The following ACYP2 variants were observed in gnomAD, a reference collection of about 807,000 sequenced individuals.
ACYP2 encodes acylphosphatase-2.
A neutral mutation model predicts 11.2 loss-of-function variants in ACYP2; 12 were observed. The observed-to-expected ratio is 1.08, with a 90% confidence interval of 0.69 to 1.74. The LOEUF (loss-of-function observed/expected upper bound fraction) is 1.74. Ranked by LOEUF, ACYP2 falls within the 40% of genes most tolerant of loss-of-function variation. The pLI is 0.00. For missense variants in ACYP2, 134 were observed against 101.9 expected (o/e 1.31, Z -1.35); for synonymous variants, 43 against 32.2 (o/e 1.33, Z -1.13).
chr2:54,047,124 G>C lies in ACYP2; in HGVS notation c.63-3834G>C, dbSNP rs539049176. On this transcript the variant is annotated intron_variant, in intron 2 of 6. Transcript: ENST00000607452. Reference sequence around the variant, plus strand: ...AGGCACCAAGCAAGGCTGGATAACTGTTTTCTAAACCCATTTTTGGGACAG... The same window carrying C: ...AGGCACCAAGCAAGGCTGGATAACTCTTTTCTAAACCCATTTTTGGGACAG... 3.3e-5 allele frequency among the ~76,000 whole-genome samples: 5 copies of C among 152,334 alleles called. No individual in the cohort carries two copies. In the South Asian group the frequency reaches 8.3e-4, roughly 25 times the overall value.
chr2:54,181,046 T>C (rs1039571342), intron 6 of ACYP2, among the ~76,000 whole-genome samples: 6 of 152,194 alleles, frequency 3.9e-5, no homozygotes, highest in African/African-American at 1.4e-4. Context: ...AACCTTGTTT[T>C]AGTATTACAA....
At chr2:54,060,478 G>A (rs1305309596) in intron 4 of ACYP2, among the ~76,000 whole-genome samples, 6 of 151,824 alleles carry the variant, frequency 4.0e-5, no homozygotes, top group African/African-American at 1.5e-4. Flanking sequence ...GTAAAGTTTT[G>A]TTTTGTTCCT....
At chr2:54,108,377 G>A (rs1679280897) in intron 4 of ACYP2, among the ~76,000 whole-genome samples, 1 of 152,198 alleles carries the variant, frequency 6.6e-6, no homozygotes, top group Admixed American at 6.5e-5. Context: ...AAGTAGATGA[G>A]TTATTTTAAA....
intron 2 of ACYP2, among the ~76,000 whole-genome samples, chr2:54,048,046 A>G (rs1355291212): frequency 1.3e-5 from 2 of 152,330 alleles, no homozygotes; most frequent in Non-Finnish European, 1.5e-5. Context: ...GCTTCACTCT[A>G]TTATTTAAGT....
At chr2:54,220,033 G>A (rs1013547238) in intron 6 of ACYP2, among the ~76,000 whole-genome samples, 4 of 150,898 alleles carry the variant, frequency 2.7e-5, no homozygotes, top group African/African-American at 4.9e-5. Flanking sequence ...AAGCCACCAT[G>A]CCTGGCCAAG....
Position 54,013,281 on chromosome 2 carries a change from G to A in ACYP2, c.63-37677G>A, listed in dbSNP as rs1230417947. On this transcript the variant is annotated intron_variant, in intron 2 of 6. Coordinates refer to ENST00000607452, the MANE Select transcript of ACYP2 (RefSeq NM_001320586.2). ...TGTGTGTGTGTGTGTGTGTGTGTGT[G>A]TGTGTGTGTGTGTGTGTGTGTGTGT... 5.3e-3 allele frequency among the ~76,000 whole-genome samples: 731 copies of A among 138,934 alleles called. 10 individuals are homozygous for A. The highest frequency in any genetic ancestry group is 0.017 in the African/African-American group (607 of 34,958). 91.1% of individuals were successfully genotyped at this position (138,934 alleles called of 152,430 possible). A position where few individuals can be genotyped will look rare whatever the true frequency, so the allele number is the denominator to read the frequency against.
intron 6 of ACYP2, among the ~76,000 whole-genome samples, chr2:54,182,964 C>G (rs843676): frequency 0.22 from 33,364 of 152,004 alleles, 4,252 homozygotes; most frequent in South Asian, 0.41. Flanking sequence ...TGATGAAATG[C>G]TAAAGGCAAA....
intron 2 of ACYP2, among the ~76,000 whole-genome samples, chr2:54,050,547 GA>G (rs58128669): frequency 0.066 from 5,512 of 83,122 alleles, 243 homozygotes; most frequent in African/African-American, 0.18. Context: ...CCCCATCCCT[GA>G]AAAAAAAAAA....
intron 6 of ACYP2, among the ~76,000 whole-genome samples, chr2:54,295,489 C>T (rs776935260): frequency 6.6e-6 from 1 of 151,958 alleles, no homozygotes; most frequent in Non-Finnish European, 1.5e-5. Context: ...ATTCAGGGTT[C>T]CTTTCTGTAT....
At chr2:54,281,200 T>C (rs1688835988) in intron 6 of ACYP2, among the ~76,000 whole-genome samples, 1 of 152,222 alleles carries the variant, frequency 6.6e-6, no homozygotes, top group African/African-American at 2.4e-5. Flanking sequence ...GTCTCAATCT[T>C]AGAGTCCAAT....
At chr2:54,193,390 A>G (rs1303615484) in intron 6 of ACYP2, among the ~76,000 whole-genome samples, 1 of 152,220 alleles carries the variant, frequency 6.6e-6, no homozygotes, top group African/African-American at 2.4e-5. Context: ...ATGTAAGTTT[A>G]GGGAGAGTGA....
chr2:54,074,611 TGTGTGTGTG>T (rs1677231025), intron 4 of ACYP2, among the ~76,000 whole-genome samples: 2 of 144,576 alleles, frequency 1.4e-5, no homozygotes, highest in East Asian at 4.3e-4. Flanking sequence ...TGTGTGTGTG[TGTGTGTGTG>T]TAACTGTATT....
intron 6 of ACYP2, among the ~76,000 whole-genome samples, chr2:54,197,413 C>G (rs1167483548): frequency 1.3e-5 from 2 of 152,178 alleles, no homozygotes; most frequent in Non-Finnish European, 2.9e-5. Flanking sequence ...TTTCCCTTTA[C>G]CTATAAGAGT....
At chr2:54,179,835 C>T (rs1683629296) in intron 6 of ACYP2, among the ~76,000 whole-genome samples, 1 of 152,142 alleles carries the variant, frequency 6.6e-6, no homozygotes, top group Admixed American at 6.6e-5. Context: ...TCGGGGAATG[C>T]AGCCCAGTAG....
intron 6 of ACYP2, among the ~76,000 whole-genome samples, chr2:54,266,080 G>T (rs76191672): frequency 0.015 from 2,267 of 152,244 alleles, 53 homozygotes; most frequent in African/African-American, 0.053. Context: ...GCTGACATAA[G>T]TAACTCTCTA....
intron 6 of ACYP2, among the ~76,000 whole-genome samples, chr2:54,139,484 T>G (rs969910431): frequency 1.1e-4 from 16 of 152,322 alleles, no homozygotes; most frequent in African/African-American, 3.8e-4. Context: ...AAAAGCCTTG[T>G]GTTTTCAGCT....
rs139343640 is a variant in ACYP2 at position 54,050,973 on chromosome 2, G to C, written c.78G>C (p.Leu26=). 2 of 413,526 alleles carry C rather than the reference G, an allele frequency of 4.8e-6. No homozygotes were observed. The highest frequency in any genetic ancestry group is 8.5e-6 in the Non-Finnish European group (2 of 235,860). The allele number at this position is 413,526 out of a possible 1,614,324, so 25.6% of individuals were successfully genotyped here. Residue 26 remains leucine (L), a synonymous_variant, in exon 3 of 7, where the codon CTG becomes CTC. Transcript: ENST00000607452. Reference sequence around the variant, plus strand: ...TTTTTTGTAGATACAAGGTCTCGCTGTTCTACCTAGGCTGTTCTAGAACTC... The same window carrying C: ...TTTTTTGTAGATACAAGGTCTCGCTCTTCTACCTAGGCTGTTCTAGAACTC...
Position 54,019,609 on chromosome 2 carries a change from T to TTTATTATTATTA in ACYP2, c.63-31334_63-31323dup, listed in dbSNP as rs141725920. 8.2e-3 allele frequency among the ~76,000 whole-genome samples: 1,217 copies of TTTATTATTATTA among 148,618 alleles called. 15 individuals carry two copies. The highest frequency in any genetic ancestry group is 0.01 in the South Asian group (47 of 4,568). The stretch of plus-strand genomic sequence containing the variant: ...AGCCACCATTCCTGGCCCCTGTGCT[T>TTTATTATTATTA]TTATTATTATTATTATTATTATTAT... On this transcript the variant is annotated intron_variant, in intron 2 of 6. Coordinates refer to ENST00000607452, the MANE Select transcript of ACYP2 (RefSeq NM_001320586.2).
chr2:54,028,218 T>C (rs1288626984), intron 2 of ACYP2, among the ~76,000 whole-genome samples: 2 of 152,180 alleles, frequency 1.3e-5, no homozygotes, highest in East Asian at 1.9e-4. Context: ...ATGACCTTGA[T>C]AGTTTTGAAG....
Sources: gnomAD v4.1 joint callset for allele counts (sites outside exome capture counted in the v4.1 genomes callset) on GRCh38, gnomAD v4.1.1 for gene constraint, MANE v1.5 for transcripts, NCBI Gene and HGNC (gene_info 2026-07-23, HGNC 2026-07-21) for gene names.